Variants in TXLNG observed in about 807,000 individuals in gnomAD.
TXLNG encodes taxilin gamma.
Under a neutral mutation model 38.8 loss-of-function variants are expected in TXLNG, and 5 were observed. That is an observed-to-expected ratio of 0.13 (90% CI 0.07 to 0.27). The LOEUF is 0.27. Among genes scored for constraint, TXLNG ranks in the 10% least tolerant of loss-of-function variants. TXLNG has a pLI of 1.00. For synonymous variants in TXLNG, 182 were observed against 158.2 expected, an observed-to-expected ratio of 1.15 and a Z score of -1.13; for missense variants, 393 against 398.2, an observed-to-expected ratio of 0.99 and a Z score of 0.11.
chrX:16,813,717 T>C (rs777189666), intron 1 of TXLNG, among the ~76,000 whole-genome samples: 1 of 109,450 alleles, frequency 9.1e-6, no homozygotes, highest in South Asian at 3.9e-4. Context: ...AGTGGTCATA[T>C]AGCAATTCCA....
intron 1 of TXLNG, among the ~76,000 whole-genome samples, chrX:16,804,196 T>C (rs189383014): frequency 3.6e-5 from 4 of 112,133 alleles, no homozygotes; most frequent in African/African-American, 1.3e-4. Flanking sequence ...TACTGATGTA[T>C]TCATCCTGTA....
At chrX:16,792,601 G>A (rs750330106) in intron 1 of TXLNG, among the ~76,000 whole-genome samples, 44 of 108,781 alleles carry the variant, frequency 4.0e-4, no homozygotes, top group Non-Finnish European at 6.7e-4. Context: ...GGCAACACAG[G>A]GAGACCCCGT....
intron 1 of TXLNG, among the ~76,000 whole-genome samples, chrX:16,787,150 C>T (rs947971520): frequency 8.9e-6 from 1 of 112,297 alleles, no homozygotes; most frequent in African/African-American, 3.2e-5. Context: ...CCCCCCTGCG[C>T]TCCCCGCCAC....
rs759589179 is a variant in TXLNG, at chrX:16,832,750, C to T, written c.984+8C>T. On this transcript the variant is annotated splice_region_variant and intron_variant, in intron 6 of 9. Transcript: ENST00000380122. ...CAGAGAGAGAGAGAGTTTGTAAGTT[C>T]TACTTCTTAAAAACAAAGACATTAT... 25 of 1,174,391 alleles carry T rather than the reference C, an allele frequency of 2.1e-5. No homozygotes were observed. Among genetic ancestry groups the T allele is most frequent in the Admixed American group, 5.0e-5 (2 of 39,879 alleles).
In TXLNG at chrX:16,844,077, A is replaced by C. The variant is rs1385805370; in HGVS notation, c.*2311A>C. The C allele has an allele frequency of 9.0e-6, 1 of 110,982 alleles. No individual in the cohort carries two copies. Among genetic ancestry groups the C allele is most frequent in the Non-Finnish European group, 1.9e-5 (1 of 53,188 alleles). The allele number at this position is 110,982 out of a possible 1,213,427, so 9.1% of individuals were successfully genotyped here. The stretch of plus-strand genomic sequence containing the variant: ...AATTGCAATTGTTGCACCATCATGG[A>C]ATCGTGATGTGTATTATTTATATTG... On this transcript the variant is annotated 3_prime_UTR_variant, in exon 10 of 10. Transcript: ENST00000380122.
At chrX:16,807,054 A>C (rs375906804) in intron 1 of TXLNG, among the ~76,000 whole-genome samples, 1 of 111,548 alleles carries the variant, frequency 9.0e-6, no homozygotes, top group Non-Finnish European at 1.9e-5. Flanking sequence ...ACTGCACTCC[A>C]GCCTGGGTGA....
intron 1 of TXLNG, among the ~76,000 whole-genome samples, chrX:16,805,127 A>AT (rs1480931341): frequency 1.9e-5 from 2 of 106,010 alleles, no homozygotes; most frequent in Non-Finnish European, 3.9e-5. Context: ...GGGACCGCAG[A>AT]TGTGTGCCGT....
At chrX:16,816,995 C>T (rs970422453) in intron 1 of TXLNG, among the ~76,000 whole-genome samples, 11 of 112,013 alleles carry the variant, frequency 9.8e-5, no homozygotes, top group African/African-American at 3.6e-4. Context: ...ATCCTGATTT[C>T]TAGCACCATT....
intron 1 of TXLNG, among the ~76,000 whole-genome samples, chrX:16,816,671 C>T (rs1928757434): frequency 8.9e-6 from 1 of 111,935 alleles, no homozygotes; most frequent in Non-Finnish European, 1.9e-5. Context: ...CCCATTTCCC[C>T]TTAATGTGTT....
chrX:16,796,048 A>G (rs1255520458), intron 1 of TXLNG, among the ~76,000 whole-genome samples: 1 of 111,228 alleles, frequency 9.0e-6, no homozygotes, highest in East Asian at 2.8e-4. Flanking sequence ...TCCTGACCTC[A>G]GGTGATCCAC....
At chrX:16,834,195 G>A in intron 6 of TXLNG, 88 bp from the exon 7 acceptor site, 8 of 769,661 alleles carry the variant, frequency 1.0e-5, no homozygotes, top group Non-Finnish European at 1.5e-5. Flanking sequence ...TGCTAAAATA[G>A]AAGGATGAAG....
intron 1 of TXLNG, among the ~76,000 whole-genome samples, chrX:16,800,281 G>A (rs916089465): frequency 9.0e-6 from 1 of 111,204 alleles, no homozygotes; most frequent in Non-Finnish European, 1.9e-5. Context: ...TTGAGACAGG[G>A]TCTCACTCTG....
chrX:16,822,364 C>A (rs968994335), intron 3 of TXLNG, among the ~76,000 whole-genome samples: 1 of 110,816 alleles, frequency 9.0e-6, no homozygotes, highest in African/African-American at 3.3e-5. Flanking sequence ...ATGACAGTTA[C>A]TTTCCCTTAG....
intron 3 of TXLNG, among the ~76,000 whole-genome samples, chrX:16,823,030 A>G (rs1253333757): frequency 8.9e-6 from 1 of 111,817 alleles, no homozygotes; most frequent in Non-Finnish European, 1.9e-5. Context: ...GACTGTGTTC[A>G]TTTCAGGATG....
intron 5 of TXLNG, among the ~76,000 whole-genome samples, chrX:16,830,875 GTGTGTGTGTGTA>G (rs1337102863): frequency 2.0e-4 from 19 of 96,769 alleles, no homozygotes; most frequent in African/African-American, 7.2e-4. Context: ...GTGTGTGTGT[GTGTGTGTGTGTA>G]TAGAGACAGT....
intron 1 of TXLNG, among the ~76,000 whole-genome samples, chrX:16,792,304 AG>A (rs1415400760): frequency 8.9e-6 from 1 of 111,787 alleles, no homozygotes; most frequent in Non-Finnish European, 1.9e-5. Context: ...TGTAATTGAT[AG>A]TATGACAGAT....
chrX:16,820,085 C>T (rs983128273), intron 2 of TXLNG, 79 bp from the exon 3 acceptor site: 11 of 737,888 alleles, frequency 1.5e-5, no homozygotes, highest in African/African-American at 1.1e-4. Flanking sequence ...TGTCAGAGCA[C>T]GGGAATTGTT....
At chrX:16,798,667 C>T (rs902234304) in intron 1 of TXLNG, among the ~76,000 whole-genome samples, 27 of 109,565 alleles carry the variant, frequency 2.5e-4, no homozygotes, top group Non-Finnish European at 9.5e-5. Flanking sequence ...CTCACTGCAG[C>T]CTTGAACTCC....
rs138449142 is a variant in TXLNG, at chrX:16,841,655, C to T, written c.1476C>T (p.Ser492=). ...ALDSHKELNT[S]SKRALGAHLE... is the part of the protein sequence containing the mutation. ...ATTCTCACAAGGAGCTGAACACTTC[C>T]TCGAAAAGAGCCCTGGGAGCGCACC... Residue 492 remains serine (S), a synonymous_variant, in exon 10 of 10, where the codon TCC becomes TCT. Coordinates refer to ENST00000380122, the MANE Select transcript of TXLNG (RefSeq NM_018360.3). 7 of 1,209,796 alleles carry T rather than the reference C, an allele frequency of 5.8e-6. No homozygotes were observed. In the African/African-American group the frequency reaches 1.2e-4, roughly 21 times the overall value.
Sources: allele counts gnomAD v4.1 joint callset (sites outside exome capture counted in the v4.1 genomes callset), GRCh38; gene constraint gnomAD v4.1.1; transcripts MANE v1.5; gene names NCBI Gene and HGNC (gene_info 2026-07-23, HGNC 2026-07-21).